The following ACSL6 variants were observed in gnomAD, a reference collection of about 807,000 sequenced individuals.
ACSL6 encodes the protein long-chain-fatty-acid--CoA ligase 6.
In ACSL6, 47 loss-of-function variants were observed where a neutral mutation model predicts 98.2. The observed-to-expected ratio is 0.48, with a 90% confidence interval of 0.38 to 0.61. The LOEUF (loss-of-function observed/expected upper bound fraction) is 0.61, where lower values mean the gene tolerates loss of function less well. Ranked by LOEUF, ACSL6 falls within the 20% of genes least tolerant of loss-of-function variation. The pLI is 0.00. For missense variants in ACSL6, 761 were observed against 913.4 expected (o/e 0.83, Z 2.15); for synonymous variants, 362 against 336.9 (o/e 1.07, Z -0.82).
intron 15 of ACSL6, chr5:131,968,249 G>A: frequency 9.9e-6 from 5 of 502,842 alleles, no homozygotes. Context: ...TTTTACATCC[G>A]ATTCTTAATA....
At chr5:131,976,329 A>G (rs1330281598) in intron 10 of ACSL6, 4 of 673,630 alleles carry the variant, frequency 5.9e-6, no homozygotes, top group Admixed American at 6.3e-5. Context: ...ACACAAAACC[A>G]TGGGTATATC....
At chr5:131,986,448 G>T (rs1754181423) in intron 8 of ACSL6, among the ~76,000 whole-genome samples, 1 of 152,252 alleles carries the variant, frequency 6.6e-6, no homozygotes, top group Non-Finnish European at 1.5e-5. Flanking sequence ...AAAGACAGCA[G>T]ATGCCACAAG....
intron 15 of ACSL6, among the ~76,000 whole-genome samples, 153 bp downstream of exon 15, chr5:131,969,975 C>T (rs888335699): frequency 1.6e-4 from 25 of 152,278 alleles, no homozygotes; most frequent in Admixed American, 1.6e-3. Context: ...ATGCCACAAC[C>T]CAGACATAAC....
intron 5 of ACSL6, among the ~76,000 whole-genome samples, chr5:131,989,203 G>A (rs1363825765): frequency 6.6e-6 from 1 of 152,154 alleles, no homozygotes; most frequent in Non-Finnish European, 1.5e-5. Context: ...TGTAGAGCTG[G>A]GTGGGGTGTG....
chr5:131,988,024 A>G (rs756454204), intron 7 of ACSL6, 24 bp downstream of exon 7: 1 of 1,608,568 alleles, frequency 6.2e-7, no homozygotes, highest in South Asian at 1.1e-5. Flanking sequence ...TAGCCCAGCA[A>G]ACCGCCCAGA....
intron 17 of ACSL6, among the ~76,000 whole-genome samples, chr5:131,963,025 C>T (rs893518971): frequency 3.6e-4 from 55 of 152,114 alleles, no homozygotes; most frequent in Non-Finnish European, 4.4e-5. Context: ...TCAGGGCACC[C>T]CTCTTGCACA....
chr5:131,969,804 T>C (rs1753207473), intron 15 of ACSL6, among the ~76,000 whole-genome samples: 2 of 152,094 alleles, frequency 1.3e-5, no homozygotes, highest in Admixed American at 6.6e-5. Flanking sequence ...ACAGCTCTCA[T>C]CCACACCCTC....
At chr5:131,990,393 G>T (rs2126900303) in intron 3 of ACSL6, among the ~76,000 whole-genome samples, 2 of 152,340 alleles carry the variant, frequency 1.3e-5, no homozygotes, top group South Asian at 4.1e-4. Flanking sequence ...TGGAAATGGG[G>T]AATGATGCAG....
chr5:131,963,690 C>T (rs1437698699), intron 17 of ACSL6, among the ~76,000 whole-genome samples: 4 of 152,146 alleles, frequency 2.6e-5, no homozygotes, highest in Non-Finnish European at 4.4e-5. Context: ...ACCACCTCCT[C>T]CCAGCAAAAC....
chr5:131,978,177 G>C (rs1306137616), intron 9 of ACSL6, among the ~76,000 whole-genome samples: 1 of 152,232 alleles, frequency 6.6e-6, no homozygotes, highest in East Asian at 1.9e-4. Flanking sequence ...TGGGAATGGT[G>C]GGGTGCAAGA....
chr5:131,983,343 A>G (rs380182), intron 9 of ACSL6: 36,046 of 152,100 alleles, frequency 0.24, 4,465 homozygotes, highest in East Asian at 0.51. Flanking sequence ...AGGGACTTCA[A>G]AGTACTGACT....
At position 131,988,924 on chromosome 5, in the gene ACSL6, G is replaced by A. The variant is rs201696348; in HGVS notation, c.553-20C>T. 7.5e-6 allele frequency: 12 copies of A among 1,601,558 alleles called. No homozygotes were observed. Among genetic ancestry groups the A allele is most frequent in the Middle Eastern group, 1.7e-4 (1 of 6,012 alleles). ...GATCCACTGTGGAGACACATGAGGC[G>A]GGGGTGGGGAAGAAGGGGAGATTAG... is the stretch of plus-strand genomic sequence containing the variant. On this transcript the variant is annotated intron_variant, in intron 5 of 20. Coordinates refer to ENST00000651883, the MANE Select transcript of ACSL6 (RefSeq NM_001009185.3).
intron 4 of ACSL6, 41 bp from the exon 5 acceptor site, chr5:131,989,549 CTT>C: frequency 1.1e-6 from 1 of 935,014 alleles, no homozygotes; most frequent in East Asian, 3.1e-5. Context: ...AACAAGGACT[CTT>C]CAACAGGGGA....
intron 6 of ACSL6, 100 bp downstream of exon 6, chr5:131,988,705 G>T: frequency 6.4e-7 from 1 of 1,563,104 alleles, no homozygotes; most frequent in Non-Finnish European, 8.8e-7. Flanking sequence ...AGAGCAAAGT[G>T]CCTCTTACGA....
Position 131,950,022 on chromosome 5 carries a change from A to C in ACSL6, c.*4212T>G, listed in dbSNP as rs1380611575. The C allele has an allele frequency of 1.1e-5, 2 of 176,026 alleles. No individual in the cohort carries two copies. Among genetic ancestry groups the C allele is most frequent in the African/African-American group, 4.7e-5 (2 of 42,230 alleles). The allele number at this position is 176,026 out of a possible 1,614,324, so 10.9% of individuals were successfully genotyped here. Reference sequence around the variant, plus strand: ...TTTTTACAAAAATTTTCATAAATGCATTTTATATTTAATATGCATGCTACT... The same window carrying C: ...TTTTTACAAAAATTTTCATAAATGCCTTTTATATTTAATATGCATGCTACT... On this transcript the variant is annotated 3_prime_UTR_variant, in exon 21 of 21. Coordinates refer to ENST00000651883, the MANE Select transcript of ACSL6 (RefSeq NM_001009185.3).
At chr5:131,973,509 G>A in intron 11 of ACSL6, 109 bp from the exon 12 acceptor site, 1 of 1,208,690 alleles carries the variant, frequency 8.3e-7, no homozygotes, top group Non-Finnish European at 1.1e-6. Context: ...ATGACCCCCT[G>A]ACCCAGCTCT....
In ACSL6 at chr5:131,993,661, C is replaced by T. The variant is rs146634689; in HGVS notation, c.270+370G>A. 322 of 274,892 alleles carry T rather than the reference C, an allele frequency of 1.2e-3. 1 individual carries two copies. Among genetic ancestry groups the T allele is most frequent in the African/African-American group, 6.7e-3 (307 of 45,830 alleles). The allele number at this position is 274,892 out of a possible 1,614,324, so 17.0% of individuals were successfully genotyped here. ...GAGCAGGGCCAGGAGTGGGCTGAAT[C>T]CTGGGTCCCAGCACCAGACCAGGAG... On this transcript the variant is annotated intron_variant, in intron 2 of 20. Transcript: ENST00000651883.
Position 131,952,435 on chromosome 5 carries a change from G to T in ACSL6, c.*1799C>A, listed in dbSNP as rs1247503892. On this transcript the variant is annotated 3_prime_UTR_variant, in exon 21 of 21. Coordinates refer to ENST00000651883, the MANE Select transcript of ACSL6 (RefSeq NM_001009185.3). ...GCATATTTATTCAGTAGGCCCATGT[G>T]ATTATGTGGTTTTTAACTAACAGCA... is the stretch of plus-strand genomic sequence containing the variant. 1 of 212,890 alleles carries T rather than the reference G, an allele frequency of 4.7e-6. No individual in the cohort carries two copies. The highest frequency in any genetic ancestry group is 2.3e-5 in the African/African-American group (1 of 44,224). The allele number at this position is 212,890 out of a possible 1,614,324, so 13.2% of individuals were successfully genotyped here.
chr5:131,985,579 G>A, intron 8 of ACSL6, 121 bp from the exon 9 acceptor site: 1 of 1,005,978 alleles, frequency 9.9e-7, no homozygotes, highest in African/African-American at 1.6e-5. Context: ...GTGAGCATGT[G>A]TTGGGCACGC....
Sources: gnomAD v4.1 joint callset for allele counts (sites outside exome capture counted in the v4.1 genomes callset) on GRCh38, gnomAD v4.1.1 for gene constraint, MANE v1.5 for transcripts, NCBI Gene and HGNC (gene_info 2026-07-23, HGNC 2026-07-21) for gene names.